The following IL2RA variants were observed in gnomAD, a reference collection of about 807,000 sequenced individuals.
IL2RA encodes the protein interleukin-2 receptor subunit alpha.
IL2RA carries 24 observed loss-of-function variants against 37.8 expected under a neutral mutation model. That is an observed-to-expected ratio of 0.63 (90% CI 0.46 to 0.89). The LOEUF (loss-of-function observed/expected upper bound fraction) is 0.89, where lower values mean the gene tolerates loss of function less well. Among genes scored for constraint, IL2RA ranks in the 40% least tolerant of loss-of-function variants. The probability of loss-of-function intolerance (pLI) is 0.00; values close to 1 mark genes in which losing one functional copy is unlikely to be tolerated. For missense variants in IL2RA, 319 were observed against 348.6 expected, an observed-to-expected ratio of 0.92 and a Z score of 0.68; for synonymous variants, 125 against 114.6, an observed-to-expected ratio of 1.09 and a Z score of -0.58.
intron 1 of IL2RA, among the ~76,000 whole-genome samples, chr10:6,037,352 G>T (rs1170027093): frequency 6.7e-6 from 1 of 148,210 alleles, no homozygotes; most frequent in Non-Finnish European, 1.5e-5. Context: ...GGCTGATAAA[G>T]ATGTGGACCG....
At chr10:6,040,254 G>C (rs980130764) in intron 1 of IL2RA, among the ~76,000 whole-genome samples, 1 of 152,168 alleles carries the variant, frequency 6.6e-6, no homozygotes, top group African/African-American at 2.4e-5. Flanking sequence ...TAATTAAAGC[G>C]TTCATTGCTT....
chr10:6,039,426 G>C (rs373048022), intron 1 of IL2RA: 1 of 152,188 alleles, frequency 6.6e-6, no homozygotes, highest in Non-Finnish European at 1.5e-5. Flanking sequence ...AATTTTAACA[G>C]TGTCTTCCTT....
At position 6,046,393 on chromosome 10, in the gene IL2RA, T is replaced by C. The variant is rs966075442; in HGVS notation, c.64+15695A>G. Among the ~76,000 whole-genome samples, 2 of 152,146 alleles carry C rather than the reference T, an allele frequency of 1.3e-5. No homozygotes were observed. The highest frequency in any genetic ancestry group is 6.5e-5 in the Admixed American group (1 of 15,278). ...GTAGAGACAAACAGCATCATAAAAG[T>C]GTCAAATCCGTGTGTTCACAGATGC... On this transcript the variant is annotated intron_variant, in intron 1 of 7. Transcript: ENST00000379959. This position sits in a 1 kb window ranked among gnomAD's most constrained non-coding sequence, Gnocchi z 4.8.
chr10:6,050,477 C>T (rs866472848), intron 1 of IL2RA, among the ~76,000 whole-genome samples: 20 of 152,200 alleles, frequency 1.3e-4, no homozygotes, highest in Middle Eastern at 3.4e-3. Flanking sequence ...CCTGTCTCTA[C>T]TAAAAATACA....
chr10:6,053,751 C>A (rs891462935), intron 1 of IL2RA, among the ~76,000 whole-genome samples: 3 of 152,192 alleles, frequency 2.0e-5, no homozygotes, highest in Admixed American at 6.5e-5. Context: ...CCTCTTGGCC[C>A]CCCAAAGTGC....
chr10:6,025,744 G>T lies in IL2RA; in HGVS notation c.256+90C>A. 1 of 1,233,670 alleles carries T rather than the reference G, an allele frequency of 8.1e-7. No homozygotes were observed. Among genetic ancestry groups the T allele is most frequent in the Non-Finnish European group, 1.2e-6 (1 of 837,964 alleles). The allele number at this position is 1,233,670 out of a possible 1,614,324, so 76.4% of individuals were successfully genotyped here. On this transcript the variant is annotated intron_variant, in intron 2 of 7. Coordinates refer to ENST00000379959, the MANE Select transcript of IL2RA (RefSeq NM_000417.3). This position sits in a 1 kb window ranked among gnomAD's most constrained non-coding sequence, Gnocchi z 4.4. The stretch of plus-strand genomic sequence containing the variant: ...CTGTAGACTGGACTGGCCCATTTGT[G>T]TCTATAGGGCTGAGTGAACAAAAGC...
In IL2RA at chr10:6,048,337, G is replaced by A. The variant is rs150777086; in HGVS notation, c.64+13751C>T. On this transcript the variant is annotated intron_variant, in intron 1 of 7. Transcript: ENST00000379959. This position sits in a 1 kb window ranked among gnomAD's most constrained non-coding sequence, Gnocchi z 5.3. ...GCCCAGATTTCCTGGGCGATGGGGA[G>A]GATGGGGTGCCATTCATTGAGATAG... Among the ~76,000 whole-genome samples, 178 of 152,382 alleles carry A rather than the reference G, an allele frequency of 1.2e-3. 1 individual carries two copies. The highest frequency in any genetic ancestry group is 3.7e-3 in the African/African-American group (152 of 41,584).
rs9804284 is a variant in IL2RA, at chr10:6,020,088, T to A, written c.584-147A>T. On this transcript the variant is annotated intron_variant, in intron 4 of 7. Coordinates refer to ENST00000379959, the MANE Select transcript of IL2RA (RefSeq NM_000417.3). This position sits in a 1 kb window ranked among gnomAD's most constrained non-coding sequence, Gnocchi z 5.6. ...GGCACTTCGCCAGGGATGCCACCCC[T>A]CATGGTTCCACAGCAGGGGCACTGG... 672,942 of 675,362 alleles carry A rather than the reference T, an allele frequency of 1. 335,307 individuals are homozygous for A. The highest frequency in any genetic ancestry group is 1 in the East Asian group (37,533 of 37,534). The allele number at this position is 675,362 out of a possible 1,614,324, so 41.8% of individuals were successfully genotyped here.
intron 3 of IL2RA, among the ~76,000 whole-genome samples, chr10:6,023,864 A>G (rs188211812): frequency 6.6e-6 from 1 of 152,284 alleles, no homozygotes; most frequent in East Asian, 1.9e-4. Context: ...TAAGGGGAAG[A>G]CGCAGAGCGT....
rs1022356342 is a variant in IL2RA at position 6,062,329 on chromosome 10, C to T, written c.-178G>A. On this transcript the variant is annotated 5_prime_UTR_variant, in exon 1 of 8. Coordinates refer to ENST00000379959, the MANE Select transcript of IL2RA (RefSeq NM_000417.3). ...GTCTCTATCGGAGTCAGGAGTTGCT[C>T]TCTTTAAGTATTGGGCTGGCGTGTT... The T allele has an allele frequency of 5.2e-6, 3 of 574,102 alleles. No homozygotes were observed. The highest frequency in any genetic ancestry group is 1.9e-5 in the South Asian group (1 of 51,764). The allele number at this position is 574,102 out of a possible 1,614,324, so 35.6% of individuals were successfully genotyped here. A position where few individuals can be genotyped will look rare whatever the true frequency, so the allele number is the denominator to read the frequency against.
intron 1 of IL2RA, among the ~76,000 whole-genome samples, chr10:6,037,818 A>G (rs1324982348): frequency 6.6e-6 from 1 of 152,162 alleles, no homozygotes; most frequent in Non-Finnish European, 1.5e-5. Flanking sequence ...GTTGACTCCC[A>G]GAGGAAATCT....
At chr10:6,040,045 AG>A (rs1191600768) in intron 1 of IL2RA, among the ~76,000 whole-genome samples, 4 of 152,242 alleles carry the variant, frequency 2.6e-5, no homozygotes, top group Non-Finnish European at 5.9e-5. Flanking sequence ...AAGAGACTAC[AG>A]GTAGAATGTT....
chr10:6,023,561 C>T (rs1839424062), intron 3 of IL2RA, among the ~76,000 whole-genome samples: 1 of 152,220 alleles, frequency 6.6e-6, no homozygotes, highest in African/African-American at 2.4e-5. Flanking sequence ...GTCTCGAACT[C>T]CTGACCTCAA....
chr10:6,048,399 G>T lies in IL2RA; in HGVS notation c.64+13689C>A, dbSNP rs1839899141. 6.6e-6 allele frequency among the ~76,000 whole-genome samples: 1 copy of T among 152,208 alleles called. No individual in the cohort carries two copies. The highest frequency in any genetic ancestry group is 1.5e-5 in the Non-Finnish European group (1 of 68,038). ...GAAAGAGTAGGTTCCAGGGAGGGAG[G>T]ACAGTTCTGGATGTGTAGACTGAGC... On this transcript the variant is annotated intron_variant, in intron 1 of 7. Coordinates refer to ENST00000379959, the MANE Select transcript of IL2RA (RefSeq NM_000417.3). This position sits in a 1 kb window ranked among gnomAD's most constrained non-coding sequence, Gnocchi z 5.3.
rs144902641 is a variant in IL2RA at position 6,033,877 on chromosome 10, T to C, written c.65-7852A>G. ...CATCAAATTGTATGCCGCAGATCTA[T>C]GCATTTCTTTATAAGTAATTTTAGC... On this transcript the variant is annotated intron_variant, in intron 1 of 7. Transcript: ENST00000379959. This position sits in a 1 kb window ranked among gnomAD's most constrained non-coding sequence, Gnocchi z 4.3. Among the ~76,000 whole-genome samples the C allele has an allele frequency of 2.0e-5, 3 of 152,360 alleles. No individual in the cohort carries two copies. Among genetic ancestry groups the C allele is most frequent in the East Asian group, 3.9e-4 (2 of 5,192 alleles).
intron 1 of IL2RA, among the ~76,000 whole-genome samples, chr10:6,049,986 C>T (rs1839923556): frequency 6.6e-6 from 1 of 152,116 alleles, no homozygotes. Context: ...AGGAGGAGAC[C>T]TGCTGGCCAA....
At chr10:6,034,859 G>A (rs1452391578) in intron 1 of IL2RA, among the ~76,000 whole-genome samples, 1 of 152,188 alleles carries the variant, frequency 6.6e-6, no homozygotes, top group Non-Finnish European at 1.5e-5. Flanking sequence ...CTGGGAGCTT[G>A]GGAGGCAGAC....
Position 6,044,209 on chromosome 10 carries a change from T to A in IL2RA, c.64+17879A>T, listed in dbSNP as rs879654070. 3.9e-5 allele frequency among the ~76,000 whole-genome samples: 6 copies of A among 152,228 alleles called. No homozygotes were observed. Among genetic ancestry groups the A allele is most frequent in the African/African-American group, 9.7e-5 (4 of 41,444 alleles). On this transcript the variant is annotated intron_variant, in intron 1 of 7. Transcript: ENST00000379959. The surrounding 1 kb of genome is among the most constrained non-coding windows in gnomAD (Gnocchi z 4.5). The stretch of plus-strand genomic sequence containing the variant: ...GACAAGCGAGCCCCGAGGTGGGGCT[T>A]AGCCCGCAAGGGTTCTTGGCTTTGC...
chr10:6,043,433 T>A (rs1257057691), intron 1 of IL2RA, among the ~76,000 whole-genome samples: 1 of 151,896 alleles, frequency 6.6e-6, no homozygotes, highest in Non-Finnish European at 1.5e-5. Context: ...TTTGTTTTTG[T>A]TTGTGTTTGT....
Sources: allele counts gnomAD v4.1 joint callset (sites outside exome capture counted in the v4.1 genomes callset), GRCh38; gene constraint gnomAD v4.1.1; non-coding constraint Gnocchi (gnomAD v3.1); transcripts MANE v1.5; gene names NCBI Gene and HGNC (gene_info 2026-07-23, HGNC 2026-07-21).